ARSJ: variants seen among roughly 807,000 people sequenced by gnomAD.
ARSJ encodes the protein arylsulfatase J.
ARSJ carries 26 observed loss-of-function variants against 35.9 expected under a neutral mutation model. That is an observed-to-expected ratio of 0.72 (90% CI 0.53 to 1.00). ARSJ has a LOEUF of 1.00. Ranked by LOEUF, ARSJ falls within the 50% of genes least tolerant of loss-of-function variation. The pLI is 0.00. For missense variants in ARSJ, 667 were observed against 723.6 expected (o/e 0.92, Z 0.90); for synonymous variants, 294 against 267.6 (o/e 1.10, Z -0.96).
Position 113,902,570 on chromosome 4 carries a change from G to T in ARSJ, c.1504C>A (p.Pro502Thr). Residue 502 changes from proline to threonine, a missense_variant, in exon 2 of 2, where the codon CCA (proline) becomes ACA (threonine). Pro to Thr is a conservative substitution (Grantham distance 38). Coordinates refer to ENST00000315366, the MANE Select transcript of ARSJ (RefSeq NM_024590.4). ...TTAGATAGGTCCACCCTCTCATATG[G>T]GTCGGCTGTGATGTTGAAAAGCCAT... ...SVWLFNITAD[P>T]YERVDLSNRY... 6.2e-7 allele frequency: 1 copy of T among 1,614,100 alleles called. No homozygotes were observed. The highest frequency in any genetic ancestry group is 8.5e-7 in the Non-Finnish European group (1 of 1,180,030).
intron 1 of ARSJ, among the ~76,000 whole-genome samples, chr4:113,976,192 A>G (rs1001533385): frequency 6.6e-5 from 10 of 152,218 alleles, no homozygotes; most frequent in Non-Finnish European, 8.8e-5. Flanking sequence ...TAGAATCAAA[A>G]GTAACTTCAG....
chr4:113,948,577 AT>A lies in ARSJ; in HGVS notation c.398+29859del, dbSNP rs11381039. On this transcript the variant is annotated intron_variant, in intron 1 of 1. Transcript: ENST00000315366. ...AGTTGCAAGCGTACTATATTCTAGA[AT>A]TTTTTTTCCAGACACATTGTTAATG... is the stretch of plus-strand genomic sequence containing the variant. Among the ~76,000 whole-genome samples, 5 of 151,878 alleles carry A rather than the reference AT, an allele frequency of 3.3e-5. No individual in the cohort carries two copies. The East Asian group carries it at 7.8e-4, about 24-fold the overall frequency.
intron 1 of ARSJ, among the ~76,000 whole-genome samples, chr4:113,955,915 C>T (rs932517600): frequency 1.3e-5 from 2 of 152,020 alleles, no homozygotes; most frequent in Admixed American, 6.6e-5. Context: ...ATCTTCCAGC[C>T]ACAGCAGCTA....
chr4:113,937,967 T>C (rs1724876074), intron 1 of ARSJ, among the ~76,000 whole-genome samples: 1 of 152,048 alleles, frequency 6.6e-6, no homozygotes, highest in Admixed American at 6.6e-5. Flanking sequence ...CTGATGAAAG[T>C]AATTTGCAGA....
chr4:113,930,919 G>A (rs1349282804), intron 1 of ARSJ, among the ~76,000 whole-genome samples: 11 of 149,672 alleles, frequency 7.3e-5, no homozygotes, highest in Admixed American at 1.3e-4. Context: ...GTAAACTATC[G>A]CAAGAACAAA....
At chr4:113,929,507 C>A (rs1422910079) in intron 1 of ARSJ, among the ~76,000 whole-genome samples, 1 of 152,118 alleles carries the variant, frequency 6.6e-6, no homozygotes. Context: ...TCAGAGTTTA[C>A]AAACTCAGTG....
At chr4:113,941,282 T>G (rs574258389) in intron 1 of ARSJ, among the ~76,000 whole-genome samples, 1 of 152,070 alleles carries the variant, frequency 6.6e-6, no homozygotes. Context: ...GTTACATACA[T>G]GAACAATTCA....
At chr4:113,941,397 G>T (rs1264917641) in intron 1 of ARSJ, among the ~76,000 whole-genome samples, 1 of 151,954 alleles carries the variant, frequency 6.6e-6, no homozygotes, top group East Asian at 1.9e-4. Flanking sequence ...CTACCACATG[G>T]AAGAAAATCT....
chr4:113,937,737 C>T (rs1394731880), intron 1 of ARSJ, among the ~76,000 whole-genome samples: 2 of 152,024 alleles, frequency 1.3e-5, no homozygotes, highest in Non-Finnish European at 2.9e-5. Flanking sequence ...CATTCCTATA[C>T]ACCAACAGCA....
At chr4:113,913,265 C>T (rs928126883) in intron 1 of ARSJ, among the ~76,000 whole-genome samples, 2 of 152,174 alleles carry the variant, frequency 1.3e-5, no homozygotes, top group African/African-American at 4.8e-5. Flanking sequence ...GTCGGTGAAC[C>T]TTCAGGACAC....
intron 1 of ARSJ, among the ~76,000 whole-genome samples, chr4:113,952,599 C>T (rs1044518610): frequency 1.3e-5 from 2 of 151,992 alleles, no homozygotes; most frequent in African/African-American, 4.8e-5. Flanking sequence ...CAAGGTTAAA[C>T]GCTTGGGTGA....
At chr4:113,928,419 C>T (rs1724218123) in intron 1 of ARSJ, among the ~76,000 whole-genome samples, 3 of 152,124 alleles carry the variant, frequency 2.0e-5, no homozygotes, top group Non-Finnish European at 4.4e-5. Context: ...CTGTGATTCT[C>T]TGTTTTTATA....
intron 1 of ARSJ, among the ~76,000 whole-genome samples, chr4:113,948,303 G>C (rs992414324): frequency 2.6e-5 from 4 of 152,078 alleles, no homozygotes; most frequent in Admixed American, 2.6e-4. Context: ...GAAATTACCT[G>C]TTGAAATTTA....
chr4:113,904,718 T>C (rs2099668221), intron 1 of ARSJ, among the ~76,000 whole-genome samples: 1 of 152,140 alleles, frequency 6.6e-6, no homozygotes, highest in Admixed American at 6.5e-5. Context: ...CTCGATCTCC[T>C]GACCTCGTGA....
chr4:113,979,131 T>C lies in ARSJ; in HGVS notation c.-297A>G. 1 of 277,380 alleles carries C rather than the reference T, an allele frequency of 3.6e-6. No individual in the cohort carries two copies. Among genetic ancestry groups the C allele is most frequent in the Non-Finnish European group, 6.8e-6 (1 of 147,640 alleles). The allele number at this position is 277,380 out of a possible 1,614,324, so 17.2% of individuals were successfully genotyped here. A position where few individuals can be genotyped will look rare whatever the true frequency, so the allele number is the denominator to read the frequency against. On this transcript the variant is annotated 5_prime_UTR_variant, in exon 1 of 2. Coordinates refer to ENST00000315366, the MANE Select transcript of ARSJ (RefSeq NM_024590.4). ...AAAAAAAAAGAAAAAAGTTAATATC[T>C]CCACCCAAAAGTTCTCTGGAGAAAA... is the stretch of plus-strand genomic sequence containing the variant.
intron 1 of ARSJ, among the ~76,000 whole-genome samples, chr4:113,909,790 A>C (rs1254960913): frequency 6.6e-6 from 1 of 151,764 alleles, no homozygotes; most frequent in Middle Eastern, 3.2e-3. Flanking sequence ...CTACACCTCT[A>C]AGCTTCTTCC....
intron 1 of ARSJ, among the ~76,000 whole-genome samples, chr4:113,931,569 A>AT (rs1485780094): frequency 6.6e-6 from 1 of 152,022 alleles, no homozygotes; most frequent in African/African-American, 2.4e-5. Context: ...TCAAGAAACT[A>AT]TTTTTACCAG....
At chr4:113,965,281 A>G (rs1284110311) in intron 1 of ARSJ, among the ~76,000 whole-genome samples, 2 of 152,154 alleles carry the variant, frequency 1.3e-5, no homozygotes, top group African/African-American at 4.8e-5. Flanking sequence ...GGTTTGTAGA[A>G]TAACTATGTC....
intron 1 of ARSJ, among the ~76,000 whole-genome samples, chr4:113,904,030 C>A (rs989072736): frequency 1.3e-5 from 2 of 152,128 alleles, no homozygotes; most frequent in African/African-American, 2.4e-5. Context: ...TCAAGCGATT[C>A]TCCTGCCTCA....
Sources: allele counts gnomAD v4.1 joint callset (sites outside exome capture counted in the v4.1 genomes callset), GRCh38; gene constraint gnomAD v4.1.1; transcripts MANE v1.5; gene names NCBI Gene and HGNC (gene_info 2026-07-23, HGNC 2026-07-21).